Variants in DNAJC1 observed in about 807,000 individuals in gnomAD.
The protein encoded by DNAJC1 is DnaJ heat shock protein family (Hsp40) member C1.
DNAJC1 carries 58 observed loss-of-function variants against 76.6 expected under a neutral mutation model. The ratio of observed to expected loss-of-function variants is 0.76; its 90% CI spans 0.61 to 0.94. DNAJC1 has a LOEUF of 0.94. DNAJC1 is among the 40% of genes least tolerant of loss of function. The probability of loss-of-function intolerance (pLI) is 0.00; values close to 1 mark genes in which losing one functional copy is unlikely to be tolerated. For missense variants in DNAJC1, 689 were observed against 677.3 expected (o/e 1.02, Z -0.19); for synonymous variants, 258 against 267.9 (o/e 0.96, Z 0.36).
At chr10:21,831,515 G>C (rs1307305272) in intron 8 of DNAJC1, among the ~76,000 whole-genome samples, 1 of 152,144 alleles carries the variant, frequency 6.6e-6, no homozygotes, top group East Asian at 1.9e-4. Context: ...ATCTGGCCGG[G>C]TGCAGTGGCT....
At chr10:21,828,337 T>C (rs562427000) in intron 8 of DNAJC1, among the ~76,000 whole-genome samples, 3 of 152,346 alleles carry the variant, frequency 2.0e-5, no homozygotes, top group Non-Finnish European at 2.9e-5. Flanking sequence ...ACTTTCCTAA[T>C]GTCTAATAGC....
chr10:21,937,160 G>A (rs1837323189), intron 1 of DNAJC1, among the ~76,000 whole-genome samples: 1 of 152,084 alleles, frequency 6.6e-6, no homozygotes, highest in Non-Finnish European at 1.5e-5. Flanking sequence ...CTTACTGCAA[G>A]TGGTAGTTTC....
At chr10:21,881,010 C>T (rs1836266902) in intron 8 of DNAJC1, among the ~76,000 whole-genome samples, 1 of 152,240 alleles carries the variant, frequency 6.6e-6, no homozygotes, top group Admixed American at 6.5e-5. Flanking sequence ...CTTGCTGCAG[C>T]TTCTCCATAG....
At chr10:21,891,689 T>A (rs2131731889) in intron 7 of DNAJC1, among the ~76,000 whole-genome samples, 1 of 152,214 alleles carries the variant, frequency 6.6e-6, no homozygotes, top group South Asian at 2.1e-4. Context: ...AAAGTAACTG[T>A]TATACCTGAA....
chr10:21,951,822 C>A (rs1564836575), intron 1 of DNAJC1, among the ~76,000 whole-genome samples: 1 of 152,118 alleles, frequency 6.6e-6, no homozygotes, highest in Non-Finnish European at 1.5e-5. Context: ...CAATTAAAAG[C>A]TAATTTAATG....
At chr10:21,830,575 T>C (rs1223236106) in intron 8 of DNAJC1, among the ~76,000 whole-genome samples, 2 of 152,212 alleles carry the variant, frequency 1.3e-5, no homozygotes, top group African/African-American at 4.8e-5. Context: ...ACTGTTTTTA[T>C]TCATCCTGTT....
At chr10:21,969,652 A>T (rs554621854) in intron 1 of DNAJC1, among the ~76,000 whole-genome samples, 1 of 152,232 alleles carries the variant, frequency 6.6e-6, no homozygotes, top group Non-Finnish European at 1.5e-5. Context: ...TTATTTTAAC[A>T]AATATAAAAA....
chr10:21,802,488 A>T (rs998941626), intron 9 of DNAJC1, among the ~76,000 whole-genome samples: 1 of 152,144 alleles, frequency 6.6e-6, no homozygotes, highest in Admixed American at 6.6e-5. Context: ...ATACAAATGA[A>T]TTGGGAATTT....
intron 1 of DNAJC1, among the ~76,000 whole-genome samples, chr10:21,966,658 G>A (rs1226793783): frequency 6.7e-6 from 1 of 149,412 alleles, no homozygotes; most frequent in Non-Finnish European, 1.5e-5. Flanking sequence ...TAACTACTGA[G>A]TTCTTTTGCC....
chr10:21,831,789 CAAA>C (rs141184526), intron 8 of DNAJC1, among the ~76,000 whole-genome samples: 4 of 111,384 alleles, frequency 3.6e-5, no homozygotes, highest in African/African-American at 3.6e-5. Flanking sequence ...GACTCCATCT[CAAA>C]AAAAAAAAAA....
chr10:21,891,968 T>C (rs1564819173), intron 7 of DNAJC1, among the ~76,000 whole-genome samples: 1 of 152,064 alleles, frequency 6.6e-6, no homozygotes, highest in Non-Finnish European at 1.5e-5. Context: ...AAATCAAAAT[T>C]ATAACCTTCA....
At chr10:21,914,447 C>T (rs1836919574) in intron 6 of DNAJC1, among the ~76,000 whole-genome samples, 1 of 152,176 alleles carries the variant, frequency 6.6e-6, no homozygotes, top group South Asian at 2.1e-4. Flanking sequence ...TTTCACAGTC[C>T]TTATGTACTT....
intron 6 of DNAJC1, among the ~76,000 whole-genome samples, chr10:21,908,181 T>G (rs1836785875): frequency 9.4e-6 from 1 of 106,028 alleles, no homozygotes; most frequent in Non-Finnish European, 1.8e-5. Flanking sequence ...ATATATAATA[T>G]ATAAAAATAT....
intron 1 of DNAJC1, among the ~76,000 whole-genome samples, chr10:22,000,907 T>A (rs1838507969): frequency 1.3e-5 from 2 of 152,198 alleles, no homozygotes; most frequent in African/African-American, 4.8e-5. Flanking sequence ...GTTCTCCTGT[T>A]GAAAAGCTGT....
At chr10:21,865,015 G>A (rs941941235) in intron 8 of DNAJC1, among the ~76,000 whole-genome samples, 2 of 152,134 alleles carry the variant, frequency 1.3e-5, no homozygotes, top group African/African-American at 2.4e-5. Context: ...TCACAACGAC[G>A]TACTCCTACA....
At position 21,999,073 on chromosome 10, in the gene DNAJC1, A is replaced by G. The variant is rs141202023; in HGVS notation, c.222+4140T>C. On this transcript the variant is annotated intron_variant, in intron 1 of 11. Transcript: ENST00000376980. ...TACCTGGTGGATAAGGGGATAAAGA[A>G]GATGCCACAGACAGTCACTACCATC... Among the ~76,000 whole-genome samples, 53 of 152,314 alleles carry G rather than the reference A, an allele frequency of 3.5e-4. 2 individuals are homozygous for G. In the East Asian group the frequency reaches 0.01, roughly 29 times the overall value.
intron 8 of DNAJC1, among the ~76,000 whole-genome samples, chr10:21,821,036 A>C (rs1835150700): frequency 6.6e-6 from 1 of 152,186 alleles, no homozygotes; most frequent in Non-Finnish European, 1.5e-5. Context: ...TTAGATAAAA[A>C]GATCTTATAC....
At chr10:21,949,337 A>G (rs967370963) in intron 1 of DNAJC1, among the ~76,000 whole-genome samples, 2 of 147,102 alleles carry the variant, frequency 1.4e-5, no homozygotes, top group African/African-American at 5.0e-5. Context: ...GTTATGTCCT[A>G]TTCTATTTGG....
chr10:21,834,263 C>CA (rs58380433), intron 8 of DNAJC1, among the ~76,000 whole-genome samples: 1,639 of 148,772 alleles, frequency 0.011, 12 homozygotes, highest in Non-Finnish European at 0.016. Flanking sequence ...GACTCCATCT[C>CA]AAAAAAAAAT....
Sources: allele counts gnomAD v4.1 joint callset (sites outside exome capture counted in the v4.1 genomes callset), GRCh38; gene constraint gnomAD v4.1.1; transcripts MANE v1.5; gene names NCBI Gene and HGNC (gene_info 2026-07-23, HGNC 2026-07-21).